Variants in LRRK1 observed in about 807,000 individuals in gnomAD.
LRRK1 encodes leucine rich repeat kinase 1.
Under a neutral mutation model 209.1 loss-of-function variants are expected in LRRK1, and 113 were observed. The observed-to-expected ratio is 0.54, with a 90% CI of 0.46 to 0.63. The LOEUF is 0.63. Ranked by LOEUF, LRRK1 falls within the 30% of genes least tolerant of loss-of-function variation. The probability of loss-of-function intolerance (pLI) is 0.00; values close to 1 mark genes in which losing one functional copy is unlikely to be tolerated. For missense variants in LRRK1, 2,284 were observed against 2,632.2 expected, an observed-to-expected ratio of 0.87 and a Z score of 2.89; for synonymous variants, 1,144 against 1,099.7, an observed-to-expected ratio of 1.04 and a Z score of -0.80.
chr15:101,056,427 C>T (rs1256323420), intron 27 of LRRK1, among the ~76,000 whole-genome samples: 3 of 149,916 alleles, frequency 2.0e-5, no homozygotes, highest in Admixed American at 1.5e-4. Context: ...AAGGATGGAT[C>T]GATGGATAGA....
In LRRK1 at chr15:101,027,177, A is replaced by C; in HGVS notation, c.2406-84A>C. On this transcript the variant is annotated intron_variant, in intron 17 of 33. Coordinates refer to ENST00000388948, the MANE Select transcript of LRRK1 (RefSeq NM_024652.6). The surrounding 1 kb of genome is among the most constrained non-coding windows in gnomAD (Gnocchi z 5.1). ...TTCTCCAGACTTGCCAGCGTTCAGG[A>C]CAAACCTCTCAGGGAAACAGAGAAG... The C allele has an allele frequency of 6.4e-7, 1 of 1,564,528 alleles. No homozygotes were observed. Among genetic ancestry groups the C allele is most frequent in the Non-Finnish European group, 8.7e-7 (1 of 1,150,946 alleles).
At chr15:101,057,112 C>T in intron 28 of LRRK1, 62 bp downstream of exon 28, 1 of 1,450,598 alleles carries the variant, frequency 6.9e-7, no homozygotes, top group African/African-American at 1.4e-5. Context: ...GCTGTGGGTC[C>T]CCAGGGGGTG....
chr15:101,062,431 A>G (rs2036241258), intron 30 of LRRK1, 143 bp from the exon 31 acceptor site: 2 of 631,314 alleles, frequency 3.2e-6, no homozygotes, highest in Admixed American at 5.3e-5. Context: ...TCCATAAACA[A>G]CCCACCAGAA....
At chr15:101,032,310 C>A (rs192844770) in intron 20 of LRRK1, among the ~76,000 whole-genome samples, 5 of 151,314 alleles carry the variant, frequency 3.3e-5, no homozygotes, top group African/African-American at 9.7e-5. Context: ...TCTTTAAGTT[C>A]TAGGGTACAT....
Position 100,965,945 on chromosome 15 carries a change from T to C in LRRK1, c.98-7859T>C, listed in dbSNP as rs371424933. Among the ~76,000 whole-genome samples the C allele has an allele frequency of 3.7e-4, 56 of 152,358 alleles. 2 individuals are homozygous for C. The East Asian group carries it at 0.011, about 29-fold the overall frequency. On this transcript the variant is annotated intron_variant, in intron 2 of 33. Coordinates refer to ENST00000388948, the MANE Select transcript of LRRK1 (RefSeq NM_024652.6). ...TATTTTCCTACTAGCTCTAGCTACT[T>C]ATTTGGGACATTAATGTGTTATTGA...
intron 2 of LRRK1, among the ~76,000 whole-genome samples, chr15:100,929,618 C>T (rs2042173859): frequency 6.6e-6 from 1 of 152,210 alleles, no homozygotes; most frequent in African/African-American, 2.4e-5. Flanking sequence ...TGTCAGGCCA[C>T]AGCAGGAAAG....
chr15:100,968,356 A>G (rs2030609654), intron 2 of LRRK1, among the ~76,000 whole-genome samples: 3 of 152,204 alleles, frequency 2.0e-5, no homozygotes, highest in African/African-American at 7.2e-5. Context: ...TTAGATAAGA[A>G]TGGAATTTAT....
intron 24 of LRRK1, among the ~76,000 whole-genome samples, chr15:101,052,417 TGTA>T (rs1199086093): frequency 1.9e-5 from 2 of 103,068 alleles, no homozygotes; most frequent in Non-Finnish European, 4.1e-5. Flanking sequence ...GACTCCTGTC[TGTA>T]GCCCTAGCGC....
At chr15:100,929,880 G>T (rs146471749) in intron 2 of LRRK1, among the ~76,000 whole-genome samples, 51 of 152,354 alleles carry the variant, frequency 3.3e-4, no homozygotes, top group African/African-American at 1.2e-3. Context: ...CTGATTGGTG[G>T]CCCAGGTGGC....
chr15:100,983,949 A>C (rs1331337576), intron 4 of LRRK1: 2 of 582,720 alleles, frequency 3.4e-6, no homozygotes, highest in Non-Finnish European at 6.3e-6. Flanking sequence ...TTTTTAAAAA[A>C]ATAATTAATA....
At chr15:101,054,171 C>T (rs865777479) in intron 26 of LRRK1, among the ~76,000 whole-genome samples, 2 of 152,258 alleles carry the variant, frequency 1.3e-5, no homozygotes, top group African/African-American at 4.8e-5. Flanking sequence ...GATGGCCTTT[C>T]ACCCTGTTGC....
chr15:101,051,739 G>T lies in LRRK1; in HGVS notation c.3468G>T (p.Thr1156=). ...TGACAGCCACAGAGAGCGACGGGACGCCACTCATGGAGCAGTACGTGCCCT... is the reference window on the plus strand; with the variant it reads ...TGACAGCCACAGAGAGCGACGGGACTCCACTCATGGAGCAGTACGTGCCCT... ...PALTATESDG[T]PLMEQYVPCP... is the part of the protein sequence containing the mutation. The change falls in exon 24 of 34, where the codon ACG becomes ACT. Residue 1156 remains threonine, a synonymous_variant. Coordinates refer to ENST00000388948, the MANE Select transcript of LRRK1 (RefSeq NM_024652.6). 1 of 1,613,864 alleles carries T rather than the reference G, an allele frequency of 6.2e-7. No individual in the cohort carries two copies. Among genetic ancestry groups the T allele is most frequent in the Non-Finnish European group, 8.5e-7 (1 of 1,180,006 alleles).
intron 21 of LRRK1, among the ~76,000 whole-genome samples, chr15:101,047,136 G>A (rs960500552): frequency 5.3e-5 from 8 of 152,110 alleles, no homozygotes; most frequent in Non-Finnish European, 1.0e-4. Flanking sequence ...ATTAAACTCC[G>A]TATGAGTTTA....
In LRRK1 at chr15:101,025,981, C is replaced by T; in HGVS notation, c.2249C>T (p.Ala750Val). The change falls in exon 17 of 34, where the codon GCC becomes GTC. Residue 750 changes from alanine to valine, a missense_variant. Transcript: ENST00000388948. The stretch of plus-strand genomic sequence containing the variant: ...CTGTTGCAGGCCAAGGCCCCAAACG[C>T]CGTGGTGCTGGTGGTCGGGACGCAC... ...LLNIEAKAPN[A>V]VVLVVGTHLD... is the part of the protein sequence containing the mutation. 2.5e-6 allele frequency: 4 copies of T among 1,614,212 alleles called. No individual in the cohort carries two copies. The highest frequency in any genetic ancestry group is 3.4e-6 in the Non-Finnish European group (4 of 1,180,048).
intron 2 of LRRK1, among the ~76,000 whole-genome samples, chr15:100,971,072 G>A (rs1490235446): frequency 2.0e-5 from 3 of 152,118 alleles, no homozygotes; most frequent in African/African-American, 4.8e-5. Flanking sequence ...AGCGGCTCAC[G>A]CCTGTAATCC....
At chr15:100,930,769 A>G (rs749349200) in intron 2 of LRRK1, among the ~76,000 whole-genome samples, 1 of 152,120 alleles carries the variant, frequency 6.6e-6, no homozygotes, top group Non-Finnish European at 1.5e-5. Flanking sequence ...AGCGACAAGG[A>G]TTTTCACCCC....
intron 2 of LRRK1, among the ~76,000 whole-genome samples, chr15:100,945,293 G>T (rs2042514271): frequency 6.6e-6 from 1 of 152,126 alleles, no homozygotes; most frequent in Non-Finnish European, 1.5e-5. Context: ...ATGTGTGCGT[G>T]TCTGTTTCCC....
At chr15:100,964,488 C>A (rs1260028411) in intron 2 of LRRK1, among the ~76,000 whole-genome samples, 1 of 152,216 alleles carries the variant, frequency 6.6e-6, no homozygotes, top group Non-Finnish European at 1.5e-5. Flanking sequence ...TTCCCTGGTG[C>A]TTTGGCCACA....
chr15:100,948,334 C>A (rs755584238), intron 2 of LRRK1, among the ~76,000 whole-genome samples: 1 of 152,300 alleles, frequency 6.6e-6, no homozygotes, highest in African/African-American at 2.4e-5. Flanking sequence ...CCAGATGGGA[C>A]ACCTCCTCAT....
Sources: allele counts gnomAD v4.1 joint callset (sites outside exome capture counted in the v4.1 genomes callset), GRCh38; gene constraint gnomAD v4.1.1; non-coding constraint Gnocchi (gnomAD v3.1); transcripts MANE v1.5; gene names NCBI Gene and HGNC (gene_info 2026-07-23, HGNC 2026-07-21).